The following SLC24A2 variants were observed in gnomAD, a reference collection of about 807,000 sequenced individuals.
The protein encoded by SLC24A2 is sodium/potassium/calcium exchanger 2.
SLC24A2 carries 36 observed loss-of-function variants against 62.0 expected under a neutral mutation model. The observed-to-expected ratio is 0.58, with a 90% confidence interval of 0.44 to 0.77. The LOEUF is 0.77. SLC24A2 is among the 30% of genes least tolerant of loss of function. The pLI, the probability that SLC24A2 is intolerant of heterozygous loss-of-function variation, is 0.00. For missense variants in SLC24A2, 846 were observed against 817.9 expected (o/e 1.03, Z -0.42); for synonymous variants, 358 against 294.0 (o/e 1.22, Z -2.23).
At chr9:20,138,998 C>T in the SLC24A2 span, among the ~76,000 whole-genome samples, 1 of 152,212 alleles carries the variant, frequency 6.6e-6, no homozygotes, top group South Asian at 2.1e-4. Context: ...CTCACCCCCA[C>T]TCCTCCCCGC....
the SLC24A2 span, among the ~76,000 whole-genome samples, chr9:19,821,517 T>C: frequency 6.6e-6 from 1 of 152,116 alleles, no homozygotes; most frequent in African/African-American, 2.4e-5. Context: ...ACACTCAGAA[T>C]GCTCTGTTTG....
chr9:19,789,170 C>G (rs1246706858), upstream of SLC24A2, among the ~76,000 whole-genome samples: 1 of 152,246 alleles, frequency 6.6e-6, no homozygotes, highest in Non-Finnish European at 1.5e-5. Flanking sequence ...CTCCACGCCT[C>G]CTGGGCGCAG....
At chr9:19,695,202 A>G (rs888069464) in intron 2 of SLC24A2, among the ~76,000 whole-genome samples, 2 of 152,082 alleles carry the variant, frequency 1.3e-5, no homozygotes, top group Non-Finnish European at 2.9e-5. Context: ...TGCAAAGAAC[A>G]ACAAAACAGC....
rs113292279 is a variant in SLC24A2, at chr9:19,531,558, T to C, written c.1480-3420A>G. On this transcript the variant is annotated intron_variant, in intron 8 of 10. Coordinates refer to ENST00000341998, the MANE Select transcript of SLC24A2 (RefSeq NM_020344.4). The stretch of plus-strand genomic sequence containing the variant: ...AAGCTTTTGGTACATCAGAGTGATA[T>C]CGGCTTGGCTTGGAAAAAGATGCTG... 7.6e-3 allele frequency among the ~76,000 whole-genome samples: 1,152 copies of C among 152,312 alleles called. 7 individuals are homozygous for C. Among genetic ancestry groups the C allele is most frequent in the Non-Finnish European group, 0.011 (750 of 68,014 alleles).
chr9:20,115,303 T>G, the SLC24A2 span, among the ~76,000 whole-genome samples: 2 of 152,152 alleles, frequency 1.3e-5, no homozygotes, highest in African/African-American at 4.8e-5. Context: ...TGGTGATGAA[T>G]CTTCCCTGGT....
At chr9:19,581,560 A>C (rs896942850) in intron 5 of SLC24A2, among the ~76,000 whole-genome samples, 1 of 152,218 alleles carries the variant, frequency 6.6e-6, no homozygotes, top group Admixed American at 6.5e-5. Flanking sequence ...GGCCTCTGAT[A>C]AACAGCAAGT....
At chr9:19,730,742 T>C (rs575893490) in intron 2 of SLC24A2, among the ~76,000 whole-genome samples, 2 of 152,300 alleles carry the variant, frequency 1.3e-5, no homozygotes, top group Non-Finnish European at 2.9e-5. Context: ...ACTTTTGCAT[T>C]AAAAATTTAA....
At chr9:20,061,932 T>C in the SLC24A2 span, among the ~76,000 whole-genome samples, 65 of 152,100 alleles carry the variant, frequency 4.3e-4, no homozygotes, top group South Asian at 2.1e-4. Flanking sequence ...AAATCATATA[T>C]CTGATAAAAG....
chr9:20,160,211 T>C, the SLC24A2 span, among the ~76,000 whole-genome samples: 3 of 151,452 alleles, frequency 2.0e-5, no homozygotes, highest in South Asian at 6.2e-4. Context: ...TACTTTATAG[T>C]GCTAAAAGCT....
At chr9:19,670,841 C>T (rs1334671909) in intron 2 of SLC24A2, among the ~76,000 whole-genome samples, 1 of 152,086 alleles carries the variant, frequency 6.6e-6, no homozygotes, top group Non-Finnish European at 1.5e-5. Flanking sequence ...TATCTGTGCT[C>T]GATGAACCTT....
chr9:19,515,070 G>C lies in SLC24A2; in HGVS notation c.*1083C>G, dbSNP rs1335335508. ...ATCTAGGCTCTCTTGGCAGCCCTTA[G>C]CATCAAAATATATCTACATGACAAT... is the stretch of plus-strand genomic sequence containing the variant. On this transcript the variant is annotated 3_prime_UTR_variant, in exon 11 of 11. Transcript: ENST00000341998. 1.3e-5 allele frequency: 2 copies of C among 152,088 alleles called. No homozygotes were observed. Among genetic ancestry groups the C allele is most frequent in the East Asian group, 3.9e-4 (2 of 5,190 alleles). The allele number at this position is 152,088 out of a possible 1,614,324, so 9.4% of individuals were successfully genotyped here.
intron 2 of SLC24A2, among the ~76,000 whole-genome samples, chr9:19,689,262 C>A (rs1461080142): frequency 1.3e-5 from 2 of 152,068 alleles, no homozygotes; most frequent in Non-Finnish European, 2.9e-5. Context: ...CACCAGGACT[C>A]CCGAAGAAGG....
At chr9:19,631,775 T>C (rs559859717) in intron 2 of SLC24A2, among the ~76,000 whole-genome samples, 10 of 152,258 alleles carry the variant, frequency 6.6e-5, no homozygotes, top group African/African-American at 1.9e-4. Context: ...ATTTGACTAA[T>C]ACAGAGTGGC....
chr9:20,099,872 C>T, the SLC24A2 span, among the ~76,000 whole-genome samples: 1 of 152,080 alleles, frequency 6.6e-6, no homozygotes, highest in African/African-American at 2.4e-5. Context: ...CTGAAATATG[C>T]CCAAATCCCA....
At chr9:20,233,468 T>A in the SLC24A2 span, among the ~76,000 whole-genome samples, 19,814 of 152,202 alleles carry the variant, frequency 0.13, 1,540 homozygotes, top group African/African-American at 0.21. Flanking sequence ...TTGATCCCTT[T>A]ACCATTATGT....
chr9:20,113,477 A>G, the SLC24A2 span, among the ~76,000 whole-genome samples: 5 of 152,346 alleles, frequency 3.3e-5, no homozygotes, highest in South Asian at 8.3e-4. Context: ...TATGTTCATT[A>G]AAAGTAGATT....
chr9:19,779,562 A>T (rs994545554), intron 2 of SLC24A2, among the ~76,000 whole-genome samples: 1 of 152,220 alleles, frequency 6.6e-6, no homozygotes, highest in African/African-American at 2.4e-5. Context: ...TGCATCTACT[A>T]TTAACAGATT....
At chr9:20,164,063 T>C in the SLC24A2 span, among the ~76,000 whole-genome samples, 1 of 152,134 alleles carries the variant, frequency 6.6e-6, no homozygotes, top group Non-Finnish European at 1.5e-5. Flanking sequence ...ATTCAGGACA[T>C]AGGCATGGGC....
At chr9:19,545,962 T>A (rs1834544781) in intron 8 of SLC24A2, among the ~76,000 whole-genome samples, 2 of 152,230 alleles carry the variant, frequency 1.3e-5, no homozygotes, top group South Asian at 4.1e-4. Context: ...CAGGACCCTG[T>A]GCTGCAGGTC....
Sources: gnomAD v4.1 joint callset for allele counts (sites outside exome capture counted in the v4.1 genomes callset) on GRCh38, gnomAD v4.1.1 for gene constraint, MANE v1.5 for transcripts, NCBI Gene and HGNC (gene_info 2026-07-23, HGNC 2026-07-21) for gene names.